CCDC88C: variants seen among roughly 807,000 people sequenced by gnomAD.
CCDC88C encodes the protein protein Daple.
A neutral mutation model predicts 198.8 loss-of-function variants in CCDC88C; 131 were observed. The observed-to-expected ratio is 0.66, with a 90% CI of 0.57 to 0.76. The LOEUF (loss-of-function observed/expected upper bound fraction) is 0.76, where lower values mean the gene tolerates loss of function less well. Among genes scored for constraint, CCDC88C ranks in the 30% least tolerant of loss-of-function variants. The pLI, the probability that CCDC88C is intolerant of heterozygous loss-of-function variation, is 0.00. For synonymous variants in CCDC88C, 1,166 were observed against 1,114.7 expected (o/e 1.05, Z -0.92); for missense variants, 2,553 against 2,631.6 (o/e 0.97, Z 0.65).
intron 13 of CCDC88C, among the ~76,000 whole-genome samples, chr14:91,317,552 A>G (rs1277394021): frequency 2.6e-5 from 4 of 152,240 alleles, no homozygotes; most frequent in African/African-American, 9.6e-5. Flanking sequence ...GGGGCCAATA[A>G]AACAGTCAGT....
chr14:91,414,949 A>C (rs191974528), intron 2 of CCDC88C, among the ~76,000 whole-genome samples: 11 of 152,216 alleles, frequency 7.2e-5, no homozygotes, highest in African/African-American at 2.7e-4. Flanking sequence ...GAACGGTCCA[A>C]CAGGCTTTCC....
chr14:91,388,421 G>C (rs548345477), intron 3 of CCDC88C, among the ~76,000 whole-genome samples: 1 of 152,138 alleles, frequency 6.6e-6, no homozygotes, highest in South Asian at 2.1e-4. Context: ...ACAGCCTCCA[G>C]GCCTCAGGTG....
intron 6 of CCDC88C, 86 bp downstream of exon 6, chr14:91,342,293 CG>C: frequency 7.9e-6 from 6 of 757,452 alleles, no homozygotes; most frequent in African/African-American, 1.7e-5. Flanking sequence ...ATTCTTCAAA[CG>C]TTTCCACTCA....
intron 15 of CCDC88C, among the ~76,000 whole-genome samples, chr14:91,312,275 A>G (rs11159999): frequency 0.71 from 108,180 of 152,032 alleles, 38,945 homozygotes; most frequent in Non-Finnish European, 0.74. Flanking sequence ...TGTAATCCCA[A>G]TACTTAGGAG....
In CCDC88C at chr14:91,339,178, C is replaced by G; in HGVS notation, c.809+100G>C. 2 of 1,422,172 alleles carry G rather than the reference C, an allele frequency of 1.4e-6. No individual in the cohort carries two copies. The highest frequency in any genetic ancestry group is 1.9e-6 in the Non-Finnish European group (2 of 1,028,578). The allele number at this position is 1,422,172 out of a possible 1,614,324, so 88.1% of individuals were successfully genotyped here. A position where few individuals can be genotyped will look rare whatever the true frequency, so the allele number is the denominator to read the frequency against. On this transcript the variant is annotated intron_variant, in intron 8 of 29. Transcript: ENST00000389857. The surrounding 1 kb of genome is among the most constrained non-coding windows in gnomAD (Gnocchi z 5.8). The stretch of plus-strand genomic sequence containing the variant: ...CCCCAGCTGACTCCGGGGCACACGT[C>G]AGAGCTGTGCCATTGGCAGCACCAC...
intron 4 of CCDC88C, among the ~76,000 whole-genome samples, chr14:91,345,190 A>ATATATATATATATATTTTTTTT (rs1246878587): frequency 3.8e-5 from 2 of 52,204 alleles, no homozygotes; most frequent in African/African-American, 1.6e-4. Flanking sequence ...ATATATATAT[A>ATATATATATATATATTTTTTTT]TTTTTTTTTT....
At chr14:91,342,693 C>T (rs566299310) in intron 5 of CCDC88C, among the ~76,000 whole-genome samples, 11 of 152,316 alleles carry the variant, frequency 7.2e-5, no homozygotes, top group Middle Eastern at 3.4e-3. Flanking sequence ...AACTCCCATC[C>T]GTAAGCCCCC....
intron 3 of CCDC88C, among the ~76,000 whole-genome samples, chr14:91,396,343 G>A (rs931793913): frequency 3.3e-5 from 5 of 152,008 alleles, no homozygotes; most frequent in Non-Finnish European, 7.4e-5. Flanking sequence ...TCTTTTTAAC[G>A]ACTTGAGAAA....
chr14:91,333,151 T>G (rs768520966), intron 10 of CCDC88C, among the ~76,000 whole-genome samples: 3 of 152,252 alleles, frequency 2.0e-5, no homozygotes, highest in Non-Finnish European at 4.4e-5. Context: ...GCATCTCTTT[T>G]GGCTGTACTA....
intron 4 of CCDC88C, among the ~76,000 whole-genome samples, chr14:91,354,074 C>T (rs1378906828): frequency 2.6e-5 from 4 of 152,182 alleles, no homozygotes; most frequent in African/African-American, 9.7e-5. Context: ...TCTGAATGAG[C>T]TCCTCCGCTC....
Position 91,294,166 on chromosome 14 carries a change from T to TG in CCDC88C, c.4112+6dup, listed in dbSNP as rs1436220246. The TG allele has an allele frequency of 6.2e-7, 1 of 1,613,854 alleles. No homozygotes were observed. The highest frequency in any genetic ancestry group is 8.5e-7 in the Non-Finnish European group (1 of 1,179,744). The stretch of plus-strand genomic sequence containing the variant: ...TGCGGAGAGGGGTTCAGGGACTCCC[T>TG]GCTTACATGTACTGCTTCTGCTCCT... On this transcript the variant is annotated splice_region_variant and intron_variant, in intron 23 of 29. Transcript: ENST00000389857.
At chr14:91,334,595 A>G (rs946716693) in intron 10 of CCDC88C, among the ~76,000 whole-genome samples, 2 of 152,168 alleles carry the variant, frequency 1.3e-5, no homozygotes, top group African/African-American at 4.8e-5. Context: ...TTGCATAGGA[A>G]CTGTTCTTAA....
intron 3 of CCDC88C, chr14:91,384,292 A>C: frequency 9.4e-6 from 2 of 212,246 alleles, no homozygotes; most frequent in Non-Finnish European, 8.9e-6. Context: ...TTTTTTTTGT[A>C]TTTGAAATTT....
In CCDC88C at chr14:91,313,428, G is replaced by T; in HGVS notation, c.2388C>A (p.Arg796=). 6.2e-7 allele frequency: 1 copy of T among 1,607,486 alleles called. No homozygotes were observed. Among genetic ancestry groups the T allele is most frequent in the Non-Finnish European group, 8.5e-7 (1 of 1,179,654 alleles). The change falls in exon 15 of 30, where the codon CGC becomes CGA. Residue 796 remains arginine (R), a synonymous_variant. Coordinates refer to ENST00000389857, the MANE Select transcript of CCDC88C (RefSeq NM_001080414.4). The surrounding 1 kb of genome is among the most constrained non-coding windows in gnomAD (Gnocchi z 5.2). ...ESELGELEAE[R]QALRRDLEAL... ...CCTCCAGGTCCCGCCGCAGCGCCTG[G>T]CGCTCAGCCTCCAGCTCGCCCAGCT...
rs140269237 is a variant in CCDC88C, at chr14:91,317,601, G to C, written c.1528-1814C>G. Among the ~76,000 whole-genome samples, 760 of 152,370 alleles carry C rather than the reference G, an allele frequency of 5.0e-3. 2 individuals carry two copies. Among genetic ancestry groups the C allele is most frequent in the Middle Eastern group, 0.02 (6 of 294 alleles). ...AGAGTGAAGGGAGAACCACCCTGCA[G>C]GGTCGGGCCAGATTCCAGCCAGGCT... On this transcript the variant is annotated intron_variant, in intron 13 of 29. Transcript: ENST00000389857.
chr14:91,315,398 C>T (rs1337690983), intron 14 of CCDC88C, among the ~76,000 whole-genome samples: 1 of 152,140 alleles, frequency 6.6e-6, no homozygotes, highest in Admixed American at 6.5e-5. Context: ...GAGCACCACC[C>T]CCTCTCTTCC....
intron 3 of CCDC88C, among the ~76,000 whole-genome samples, chr14:91,372,970 G>A (rs759904178): frequency 1.1e-4 from 17 of 152,264 alleles, no homozygotes; most frequent in East Asian, 3.9e-4. Flanking sequence ...ATGCTCCGGG[G>A]CGACACACCA....
chr14:91,390,879 T>C (rs1885469180), intron 3 of CCDC88C, among the ~76,000 whole-genome samples: 1 of 152,156 alleles, frequency 6.6e-6, no homozygotes, highest in Admixed American at 6.5e-5. Flanking sequence ...GAACATGGAT[T>C]CGGTCCTCAG....
intron 3 of CCDC88C, among the ~76,000 whole-genome samples, chr14:91,391,541 G>A (rs1163840989): frequency 2.6e-5 from 4 of 152,190 alleles, no homozygotes; most frequent in African/African-American, 7.2e-5. Context: ...CACTTTGGGA[G>A]GCCGAGGCGG....
Sources: allele counts gnomAD v4.1 joint callset (sites outside exome capture counted in the v4.1 genomes callset), GRCh38; gene constraint gnomAD v4.1.1; non-coding constraint Gnocchi (gnomAD v3.1); transcripts MANE v1.5; gene names NCBI Gene and HGNC (gene_info 2026-07-23, HGNC 2026-07-21).